Variants in UNC5D observed in about 807,000 individuals in gnomAD.
UNC5D encodes netrin receptor UNC5D.
Under a neutral mutation model 105.4 loss-of-function variants are expected in UNC5D, and 39 were observed. That is an observed-to-expected ratio of 0.37 (90% CI 0.29 to 0.48). The LOEUF (loss-of-function observed/expected upper bound fraction) is 0.48, where lower values mean the gene tolerates loss of function less well. Ranked by LOEUF, UNC5D falls within the 20% of genes least tolerant of loss-of-function variation. UNC5D has a pLI of 0.98. For synonymous variants in UNC5D, 452 were observed against 450.4 expected (o/e 1.00, Z -0.04); for missense variants, 991 against 1,202.4 (o/e 0.82, Z 2.60).
intron 1 of UNC5D, among the ~76,000 whole-genome samples, chr8:35,365,398 A>G (rs1802054980): frequency 6.6e-6 from 1 of 152,044 alleles, no homozygotes; most frequent in South Asian, 2.1e-4. Flanking sequence ...GATCTCTGTG[A>G]ACTAATATAG....
chr8:35,540,138 A>G (rs1815161356), intron 1 of UNC5D, among the ~76,000 whole-genome samples: 1 of 152,202 alleles, frequency 6.6e-6, no homozygotes, highest in Non-Finnish European at 1.5e-5. Flanking sequence ...CTAGGTTTTC[A>G]GATGAATTTG....
intron 1 of UNC5D, among the ~76,000 whole-genome samples, chr8:35,247,317 G>C (rs943754752): frequency 2.7e-5 from 4 of 149,804 alleles, no homozygotes; most frequent in Non-Finnish European, 5.9e-5. Context: ...CTGAGGTCAT[G>C]ATATGATGGA....
At chr8:35,302,957 T>C (rs1808070794) in intron 1 of UNC5D, among the ~76,000 whole-genome samples, 1 of 152,064 alleles carries the variant, frequency 6.6e-6, no homozygotes, top group Non-Finnish European at 1.5e-5. Context: ...AGTCACAAAT[T>C]TGAGTTATGT....
In UNC5D at chr8:35,726,252, C is replaced by G; in HGVS notation, c.1404C>G (p.Leu468=). The G allele has an allele frequency of 1.2e-6, 2 of 1,614,100 alleles. No homozygotes were observed. The highest frequency in any genetic ancestry group is 1.7e-4 in the Middle Eastern group (1 of 6,060). ...ICLQDPLDKE[L]MTESSLFNPL... The stretch of plus-strand genomic sequence containing the variant: ...TGCAGGACCCTCTGGACAAGGAGCT[C>G]ATGACAGAGTCCTCACTCTTTAACC... The change falls in exon 10 of 17, where the codon CTC becomes CTG. Residue 468 remains leucine (L), a synonymous_variant. Coordinates refer to ENST00000404895, the MANE Select transcript of UNC5D (RefSeq NM_080872.4).
chr8:35,314,193 G>GT (rs1809109781), intron 1 of UNC5D, among the ~76,000 whole-genome samples: 1 of 152,114 alleles, frequency 6.6e-6, no homozygotes, highest in Non-Finnish European at 1.5e-5. Flanking sequence ...GCCTATTCTT[G>GT]TTTTTAGAAA....
chr8:35,613,026 A>G (rs1217998424), intron 4 of UNC5D, among the ~76,000 whole-genome samples: 4 of 151,580 alleles, frequency 2.6e-5, no homozygotes. Context: ...GAGGTACCCC[A>G]CTCTTCAGGG....
chr8:35,295,223 C>T (rs1032812103), intron 1 of UNC5D, among the ~76,000 whole-genome samples: 1 of 152,098 alleles, frequency 6.6e-6, no homozygotes, highest in African/African-American at 2.4e-5. Context: ...TGTTTGTGTG[C>T]ATAAATTTTG....
intron 1 of UNC5D, among the ~76,000 whole-genome samples, chr8:35,506,545 A>T (rs1036656049): frequency 6.6e-6 from 1 of 152,216 alleles, no homozygotes; most frequent in South Asian, 2.1e-4. Flanking sequence ...AGAGACAAAG[A>T]ATTTGAGGAC....
At chr8:35,283,578 G>A (rs767178609) in intron 1 of UNC5D, among the ~76,000 whole-genome samples, 11 of 152,012 alleles carry the variant, frequency 7.2e-5, no homozygotes, top group Admixed American at 3.3e-4. Flanking sequence ...TGGCCAACAT[G>A]GTGAAAACCC....
chr8:35,320,177 T>C (rs1809619984), intron 1 of UNC5D, among the ~76,000 whole-genome samples: 1 of 151,970 alleles, frequency 6.6e-6, no homozygotes, highest in Non-Finnish European at 1.5e-5. Flanking sequence ...TGTATATTGG[T>C]TTGGTCCTGA....
intron 4 of UNC5D, among the ~76,000 whole-genome samples, chr8:35,608,116 A>C (rs1354947181): frequency 6.6e-6 from 1 of 152,202 alleles, no homozygotes; most frequent in Non-Finnish European, 1.5e-5. Context: ...AATCAACATG[A>C]ATGTCTGGGG....
At chr8:35,284,988 A>G (rs1260740821) in intron 1 of UNC5D, among the ~76,000 whole-genome samples, 1 of 151,982 alleles carries the variant, frequency 6.6e-6, no homozygotes, top group Non-Finnish European at 1.5e-5. Context: ...TACCTTTATC[A>G]CTGGTGATTT....
At chr8:35,380,241 G>A (rs1156508690) in intron 1 of UNC5D, among the ~76,000 whole-genome samples, 1 of 151,148 alleles carries the variant, frequency 6.6e-6, no homozygotes, top group Non-Finnish European at 1.5e-5. Context: ...GAGAGAGAGT[G>A]AGAGAGACCG....
At chr8:35,534,216 A>G (rs1265068828) in intron 1 of UNC5D, among the ~76,000 whole-genome samples, 1 of 152,194 alleles carries the variant, frequency 6.6e-6, no homozygotes, top group African/African-American at 2.4e-5. Context: ...AATGTAGCAT[A>G]TATCTAGAGT....
rs527319723 is a variant in UNC5D, at chr8:35,591,315, T to C, written c.467-4239T>C. 5.3e-5 allele frequency among the ~76,000 whole-genome samples: 8 copies of C among 152,268 alleles called. No homozygotes were observed. The East Asian group carries it at 1.5e-3, about 29-fold the overall frequency. On this transcript the variant is annotated intron_variant, in intron 3 of 16. Transcript: ENST00000404895. ...AGTATACTCTGATACATAAAAAATA[T>C]AGGAAATAAATTCCATATTCTTGTT...
chr8:35,750,436 A>G, intron 12 of UNC5D, 146 bp from the exon 13 acceptor site: 1 of 807,814 alleles, frequency 1.2e-6, no homozygotes. Flanking sequence ...ATAGAAGAGG[A>G]ACAGTTAACA....
intron 1 of UNC5D, among the ~76,000 whole-genome samples, chr8:35,476,578 A>G (rs907006426): frequency 2.0e-5 from 3 of 152,166 alleles, no homozygotes; most frequent in African/African-American, 7.2e-5. Context: ...GGGTCAGAGC[A>G]GTAGCGTCTG....
intron 1 of UNC5D, chr8:35,254,962 G>A (rs1296129561): frequency 1.3e-5 from 2 of 152,146 alleles, no homozygotes; most frequent in Admixed American, 6.5e-5. Flanking sequence ...GCTCTGTTAT[G>A]TACTTATTGT....
Position 35,344,898 on chromosome 8 carries a change from A to G in UNC5D, c.103+109011A>G, listed in dbSNP as rs1811695804. Among the ~76,000 whole-genome samples the G allele has an allele frequency of 2.6e-5, 4 of 152,176 alleles. No homozygotes were observed. The South Asian group carries it at 8.3e-4, about 32-fold the overall frequency. The stretch of plus-strand genomic sequence containing the variant: ...ATCGTGAGATGACTTTCTTGTCATA[A>G]TAGTGTTTAATACCCTAGATAAGTA... On this transcript the variant is annotated intron_variant, in intron 1 of 16. Transcript: ENST00000404895.
Sources: allele counts gnomAD v4.1 joint callset (sites outside exome capture counted in the v4.1 genomes callset), GRCh38; gene constraint gnomAD v4.1.1; transcripts MANE v1.5; gene names NCBI Gene and HGNC (gene_info 2026-07-23, HGNC 2026-07-21).